The following NRG2 variants were observed in gnomAD, a reference collection of about 807,000 sequenced individuals.
NRG2 encodes the protein pro-neuregulin-2, membrane-bound isoform.
NRG2 carries 27 observed loss-of-function variants against 73.9 expected under a neutral mutation model. The ratio of observed to expected loss-of-function variants is 0.37; its 90% CI spans 0.27 to 0.50. The LOEUF is 0.50. Among genes scored for constraint, NRG2 ranks in the 20% least tolerant of loss-of-function variants. NRG2 has a pLI of 0.96. For missense variants in NRG2, 1,126 were observed against 1,210.1 expected (o/e 0.93, Z 1.03); for synonymous variants, 532 against 541.0 (o/e 0.98, Z 0.23).
At chr5:139,963,403 G>A (rs202022910) in intron 1 of NRG2, among the ~76,000 whole-genome samples, 7 of 152,186 alleles carry the variant, frequency 4.6e-5, no homozygotes, top group South Asian at 4.1e-4. Flanking sequence ...GGGAAAACCC[G>A]TCCCTATCTC....
In NRG2 at chr5:140,042,448, T is replaced by C. The variant is rs150251080; in HGVS notation, c.622A>G (p.Lys208Glu). The change falls in exon 1 of 10, where the codon AAG becomes GAG. Residue 208 changes from lysine (K) to glutamate (E), a missense_variant. Transcript: ENST00000361474. Reference sequence around the variant, plus strand: ...GTATCGAGGGGGGCAAAGGCCGTCTTAAAGACTAAGGGCTGTTCCGTGGGC... The same window carrying C: ...GTATCGAGGGGGGCAAAGGCCGTCTCAAAGACTAAGGGCTGTTCCGTGGGC... ...LEPTEQPLVF[K>E]TAFAPLDTNG... 1.4e-5 allele frequency: 22 copies of C among 1,612,342 alleles called. No individual in the cohort carries two copies. The highest frequency in any genetic ancestry group is 2.2e-5 in the East Asian group (1 of 44,816).
chr5:139,904,171 C>T lies in NRG2; in HGVS notation c.701-16660G>A. On this transcript the variant is annotated intron_variant, in intron 1 of 9. Transcript: ENST00000361474. The surrounding 1 kb of genome is among the most constrained non-coding windows in gnomAD (Gnocchi z 6.0). ...GCGACGACCCGCTCGCACGCAGGCA[C>T]GCGCGCCCTCGGTGCCTGTCACCGC... The T allele has an allele frequency of 5.9e-6, 5 of 849,596 alleles. No individual in the cohort carries two copies. Among genetic ancestry groups the T allele is most frequent in the Non-Finnish European group, 8.0e-6 (5 of 621,628 alleles). 52.6% of individuals were successfully genotyped at this position (849,596 alleles called of 1,614,324 possible). A position where few individuals can be genotyped will look rare whatever the true frequency, so the allele number is the denominator to read the frequency against.
At chr5:140,025,598 A>G (rs1464202832) in intron 1 of NRG2, among the ~76,000 whole-genome samples, 2 of 152,208 alleles carry the variant, frequency 1.3e-5, no homozygotes, top group Admixed American at 1.3e-4. Flanking sequence ...TCAAATCCAC[A>G]TATCAGAGAT....
chr5:139,949,622 G>A (rs1232485017), intron 1 of NRG2, among the ~76,000 whole-genome samples: 1 of 152,108 alleles, frequency 6.6e-6, no homozygotes, highest in Non-Finnish European at 1.5e-5. Context: ...TTTTAGCTAA[G>A]GAACTTATAT....
intron 1 of NRG2, among the ~76,000 whole-genome samples, chr5:139,941,208 A>C (rs1753373504): frequency 6.6e-6 from 1 of 152,208 alleles, no homozygotes; most frequent in African/African-American, 2.4e-5. Flanking sequence ...CCAGGTATTA[A>C]AGATTTTCGA....
intron 1 of NRG2, among the ~76,000 whole-genome samples, chr5:139,888,115 A>AACACAC (rs148802670): frequency 2.0e-5 from 3 of 148,816 alleles, no homozygotes; most frequent in Non-Finnish European, 3.0e-5. Flanking sequence ...AAAACAAAAC[A>AACACAC]ACACACACAC....
rs1192495253 is a variant in NRG2, at chr5:139,856,102, C to T, written c.1190-324G>A. 5 of 354,428 alleles carry T rather than the reference C, an allele frequency of 1.4e-5. No individual in the cohort carries two copies. Among genetic ancestry groups the T allele is most frequent in the South Asian group, 4.0e-5 (1 of 25,040 alleles). 22.0% of individuals were successfully genotyped at this position (354,428 alleles called of 1,614,324 possible). ...AGGGATGGAGTGGAGGCAAAGCTCC[C>T]GAGGCTGTAGAGCAGGGGAGGACAG... On this transcript the variant is annotated intron_variant, in intron 5 of 9. Transcript: ENST00000361474. The surrounding 1 kb of genome is among the most constrained non-coding windows in gnomAD (Gnocchi z 4.2).
At position 139,852,472 on chromosome 5, in the gene NRG2, AAGG is replaced by A. The variant is rs763337269; in HGVS notation, c.1501_1503del (p.Pro501del). The A allele has an allele frequency of 5.0e-6, 8 of 1,613,998 alleles. No homozygotes were observed. Among genetic ancestry groups the A allele is most frequent in the Non-Finnish European group, 5.9e-6 (7 of 1,179,964 alleles). ...GGTGTGGCTGTGGAGCAGTGGTGAGAAGGAGAACAGGAGTGGCTCCCAGAGAAG... is the reference window on the plus strand; with the variant it reads ...GGTGTGGCTGTGGAGCAGTGGTGAGAAGAACAGGAGTGGCTCCCAGAGAAG... On this transcript the variant is annotated inframe_deletion, in exon 8 of 10. Transcript: ENST00000361474. The surrounding 1 kb of genome is among the most constrained non-coding windows in gnomAD (Gnocchi z 4.4).
rs142850626 is a variant in NRG2 at position 140,029,404 on chromosome 5, C to T, written c.700+12966G>A. ...ATGTTTTCTATAAGAAGGCACTGTT[C>T]TCTAAGCACTTCATGTGGAGTAACT... On this transcript the variant is annotated intron_variant, in intron 1 of 9. Coordinates refer to ENST00000361474, the MANE Select transcript of NRG2 (RefSeq NM_004883.3). Among the ~76,000 whole-genome samples the T allele has an allele frequency of 5.3e-5, 8 of 152,314 alleles. No individual in the cohort carries two copies. In the East Asian group the frequency reaches 1.3e-3, roughly 26 times the overall value.
intron 6 of NRG2, among the ~76,000 whole-genome samples, chr5:139,854,310 C>T (rs902708831): frequency 1.3e-5 from 2 of 152,254 alleles, no homozygotes; most frequent in Admixed American, 6.5e-5. Flanking sequence ...GTTCACCTCT[C>T]AGGCCCTGGC....
chr5:139,873,501 G>C (rs936048420), intron 3 of NRG2, among the ~76,000 whole-genome samples: 3 of 152,262 alleles, frequency 2.0e-5, no homozygotes, highest in Non-Finnish European at 4.4e-5. Context: ...AGAAGGCAGC[G>C]AAGTGTCTGG....
intron 1 of NRG2, among the ~76,000 whole-genome samples, chr5:139,943,899 A>G (rs1753595262): frequency 6.6e-6 from 1 of 152,242 alleles, no homozygotes; most frequent in South Asian, 2.1e-4. Flanking sequence ...AAACAAACCC[A>G]TAAACAATAT....
chr5:139,997,807 A>G (rs908336960), intron 1 of NRG2, among the ~76,000 whole-genome samples: 1 of 152,222 alleles, frequency 6.6e-6, no homozygotes, highest in East Asian at 1.9e-4. Flanking sequence ...TGCTGCCTAC[A>G]AGCTGAGGTC....
chr5:139,892,508 G>C (rs994413003), intron 1 of NRG2, among the ~76,000 whole-genome samples: 1 of 152,144 alleles, frequency 6.6e-6, no homozygotes, highest in Non-Finnish European at 1.5e-5. Flanking sequence ...TGCATCCAGA[G>C]ACAGCTCTAA....
chr5:139,931,503 C>T (rs543923086), intron 1 of NRG2, among the ~76,000 whole-genome samples: 2 of 152,158 alleles, frequency 1.3e-5, no homozygotes, highest in African/African-American at 4.8e-5. Flanking sequence ...AAGGAAAATG[C>T]TGGGGCCAAG....
chr5:140,036,544 C>T (rs947782743), intron 1 of NRG2, among the ~76,000 whole-genome samples: 3 of 152,196 alleles, frequency 2.0e-5, no homozygotes, highest in African/African-American at 4.8e-5. Context: ...TAATTTAGCA[C>T]TTCTACCGAT....
chr5:140,036,312 A>C (rs1044693341), intron 1 of NRG2, among the ~76,000 whole-genome samples: 1 of 152,154 alleles, frequency 6.6e-6, no homozygotes, highest in African/African-American at 2.4e-5. Context: ...ATAAGTGCAA[A>C]TTTGTCTTTT....
chr5:139,897,626 TA>T (rs1350945340), intron 1 of NRG2, among the ~76,000 whole-genome samples: 1 of 152,142 alleles, frequency 6.6e-6, no homozygotes, highest in Non-Finnish European at 1.5e-5. Flanking sequence ...ACAGGCCAAG[TA>T]AATGAATTAA....
At chr5:140,007,793 A>AT (rs1236430342) in intron 1 of NRG2, among the ~76,000 whole-genome samples, 1 of 152,094 alleles carries the variant, frequency 6.6e-6, no homozygotes, top group Non-Finnish European at 1.5e-5. Context: ...CCAGCATTTC[A>AT]TTTTCCCTGT....
Sources: gnomAD v4.1 joint callset for allele counts (sites outside exome capture counted in the v4.1 genomes callset) on GRCh38, gnomAD v4.1.1 for gene constraint, Gnocchi (gnomAD v3.1) non-coding constraint, MANE v1.5 for transcripts, NCBI Gene and HGNC (gene_info 2026-07-23, HGNC 2026-07-21) for gene names.